Variants in ST7 observed in about 807,000 individuals in gnomAD.
The protein encoded by ST7 is suppression of tumorigenicity 7.
A neutral mutation model predicts 78.7 loss-of-function variants in ST7; 28 were observed. The ratio of observed to expected loss-of-function variants is 0.36; its 90% CI spans 0.26 to 0.49. The LOEUF (loss-of-function observed/expected upper bound fraction) is 0.49, where lower values mean the gene tolerates loss of function less well. Ranked by LOEUF, ST7 falls within the 20% of genes least tolerant of loss-of-function variation. The probability of loss-of-function intolerance (pLI) is 0.99; values close to 1 mark genes in which losing one functional copy is unlikely to be tolerated. For missense variants in ST7, 418 were observed against 696.0 expected, an observed-to-expected ratio of 0.60 and a Z score of 4.49; for synonymous variants, 247 against 249.6, an observed-to-expected ratio of 0.99 and a Z score of 0.10.
intron 1 of ST7, among the ~76,000 whole-genome samples, chr7:116,964,282 G>A (rs1216594633): frequency 1.3e-5 from 2 of 152,152 alleles, no homozygotes; most frequent in African/African-American, 4.8e-5. Flanking sequence ...AGCTTTTCCA[G>A]TTTCTGGACT....
chr7:117,200,834 T>TAAAA (rs1196054887), intron 12 of ST7, among the ~76,000 whole-genome samples: 3 of 144,406 alleles, frequency 2.1e-5, no homozygotes, highest in African/African-American at 5.2e-5. Context: ...TTTTTTTTTT[T>TAAAA]AAAAAAAAAA....
In ST7 at chr7:117,216,547, G is replaced by A. The variant is rs1156932146; in HGVS notation, c.1406-2537G>A. The stretch of plus-strand genomic sequence containing the variant: ...AAAATTTCTGGACATTTGGCAAAAG[G>A]CACAAGGCTGTCATGGAGCAGTTGC... On this transcript the variant is annotated intron_variant, in intron 13 of 15. Coordinates refer to ENST00000323984, the MANE Select transcript of ST7 (RefSeq NM_001369598.1). Among the ~76,000 whole-genome samples, 3 of 152,014 alleles carry A rather than the reference G, an allele frequency of 2.0e-5. No individual in the cohort carries two copies. In the East Asian group the frequency reaches 5.8e-4, roughly 29 times the overall value.
intron 2 of ST7, chr7:117,112,566 A>G (rs546990492): frequency 6.6e-6 from 1 of 152,240 alleles, no homozygotes; most frequent in Non-Finnish European, 1.5e-5. Context: ...GAAGATTGCT[A>G]TGTCTCCTTT....
chr7:117,013,386 G>C (rs1220459000), intron 1 of ST7, among the ~76,000 whole-genome samples: 1 of 152,142 alleles, frequency 6.6e-6, no homozygotes, highest in Non-Finnish European at 1.5e-5. Context: ...AATGAGATAG[G>C]CTCACTTAGC....
chr7:116,996,099 T>TTTTTTG (rs1554423236), intron 1 of ST7, among the ~76,000 whole-genome samples: 1 of 151,218 alleles, frequency 6.6e-6, no homozygotes. Flanking sequence ...TTTTTTTTTT[T>TTTTTTG]GAGACGGAGT....
At chr7:117,057,132 A>G (rs1798103315) in intron 1 of ST7, among the ~76,000 whole-genome samples, 1 of 152,186 alleles carries the variant, frequency 6.6e-6, no homozygotes, top group African/African-American at 2.4e-5. Context: ...AGACTATTTA[A>G]AATGTAATTA....
chr7:117,056,810 G>A (rs528480551), intron 1 of ST7, among the ~76,000 whole-genome samples: 1 of 152,208 alleles, frequency 6.6e-6, no homozygotes, highest in East Asian at 1.9e-4. Context: ...ATAAAACACA[G>A]GATCAATATG....
chr7:117,164,313 A>AC (rs78593672), intron 9 of ST7, among the ~76,000 whole-genome samples: 10,645 of 151,144 alleles, frequency 0.07, 499 homozygotes, highest in East Asian at 0.19. Flanking sequence ...ATAAAACTAG[A>AC]CCCCCCCACC....
At position 117,009,588 on chromosome 7, in the gene ST7, C is replaced by T. The variant is rs562624839; in HGVS notation, c.151+55897C>T. Among the ~76,000 whole-genome samples the T allele has an allele frequency of 1.0e-3, 156 of 152,082 alleles. 6 individuals carry two copies. The South Asian group carries it at 0.03, about 29-fold the overall frequency. On this transcript the variant is annotated intron_variant, in intron 1 of 15. Transcript: ENST00000323984. ...TATTGTTGGATTCATATTTGTAGGA[C>T]GAAAATCTTAATCTTTCTTATTTTT... is the stretch of plus-strand genomic sequence containing the variant.
chr7:117,127,762 C>G (rs922957416), intron 3 of ST7, among the ~76,000 whole-genome samples: 1 of 151,856 alleles, frequency 6.6e-6, no homozygotes, highest in Non-Finnish European at 1.5e-5. Flanking sequence ...GTTTGCTGCA[C>G]CCCCTGCTGG....
At chr7:117,116,377 C>T (rs1563093843) in intron 2 of ST7, among the ~76,000 whole-genome samples, 1 of 151,992 alleles carries the variant, frequency 6.6e-6, no homozygotes, top group Non-Finnish European at 1.5e-5. Flanking sequence ...AGGTATGCAC[C>T]AGGGAAAAGA....
chr7:117,094,355 G>A (rs1800863420), intron 1 of ST7, among the ~76,000 whole-genome samples: 1 of 152,116 alleles, frequency 6.6e-6, no homozygotes, highest in Non-Finnish European at 1.5e-5. Context: ...ACTTTACCTG[G>A]TTAACTTTCT....
At chr7:117,103,562 G>A (rs563112524) in intron 2 of ST7, among the ~76,000 whole-genome samples, 54 of 152,306 alleles carry the variant, frequency 3.5e-4, no homozygotes, top group Non-Finnish European at 6.9e-4. Context: ...GAAGAATGAA[G>A]CTGGACCTCT....
intron 1 of ST7, among the ~76,000 whole-genome samples, chr7:116,992,439 C>A (rs1042632506): frequency 1.3e-5 from 2 of 152,232 alleles, no homozygotes; most frequent in African/African-American, 4.8e-5. Context: ...GGGCTTGCAT[C>A]CTCTGAAGCC....
At chr7:117,062,212 C>T (rs1004110739) in intron 1 of ST7, among the ~76,000 whole-genome samples, 1 of 152,186 alleles carries the variant, frequency 6.6e-6, no homozygotes, top group African/African-American at 2.4e-5. Context: ...GCGCTTCTCT[C>T]ATGACCTCAT....
intron 10 of ST7, chr7:117,187,843 A>G (rs1280809982): frequency 6.6e-6 from 1 of 152,192 alleles, no homozygotes; most frequent in East Asian, 1.9e-4. Context: ...ATCAATGAGT[A>G]TACCCTAGAA....
At chr7:116,980,171 C>A (rs932424105) in intron 1 of ST7, among the ~76,000 whole-genome samples, 2 of 151,902 alleles carry the variant, frequency 1.3e-5, no homozygotes, top group Admixed American at 1.3e-4. Flanking sequence ...GTTGGCCAGG[C>A]TCGTCTCCAA....
intron 1 of ST7, chr7:116,972,610 T>C (rs1364454300): frequency 2.9e-6 from 4 of 1,401,256 alleles, no homozygotes; most frequent in Non-Finnish European, 4.0e-6. Context: ...CTTTTCTTCA[T>C]CTTTTAAGGG....
chr7:116,997,581 G>C (rs1167699312), intron 1 of ST7, among the ~76,000 whole-genome samples: 1 of 152,026 alleles, frequency 6.6e-6, no homozygotes, highest in African/African-American at 2.4e-5. Flanking sequence ...GCTGATTGGT[G>C]TATTTACAAT....
Sources: allele counts gnomAD v4.1 joint callset (sites outside exome capture counted in the v4.1 genomes callset), GRCh38; gene constraint gnomAD v4.1.1; transcripts MANE v1.5; gene names NCBI Gene and HGNC (gene_info 2026-07-23, HGNC 2026-07-21).